Variants in KCNK10 observed in about 807,000 individuals in gnomAD.
KCNK10 encodes the protein potassium two pore domain channel subfamily K member 10, also known as potassium channel subfamily K member 10.
Under a neutral mutation model 47.7 loss-of-function variants are expected in KCNK10, and 25 were observed. That is an observed-to-expected ratio of 0.52 (90% CI 0.38 to 0.73). KCNK10 has a LOEUF of 0.73. KCNK10 is among the 30% of genes least tolerant of loss of function. The probability of loss-of-function intolerance (pLI) is 0.00; values close to 1 mark genes in which losing one functional copy is unlikely to be tolerated. For synonymous variants in KCNK10, 303 were observed against 285.6 expected (o/e 1.06, Z -0.61); for missense variants, 563 against 714.5 (o/e 0.79, Z 2.42).
chr14:88,301,515 A>G (rs1888098286), intron 1 of KCNK10, among the ~76,000 whole-genome samples: 1 of 152,166 alleles, frequency 6.6e-6, no homozygotes, highest in Admixed American at 6.5e-5. Flanking sequence ...GACTCCTAAC[A>G]GTATGCTACA....
At chr14:88,197,945 G>T (rs1340278322) in intron 4 of KCNK10, among the ~76,000 whole-genome samples, 2 of 152,002 alleles carry the variant, frequency 1.3e-5, no homozygotes, top group Admixed American at 1.3e-4. Context: ...ACAAAGTCCA[G>T]CAGGAAGATC....
intron 4 of KCNK10, 24 bp from the exon 5 acceptor site, chr14:88,192,434 T>C (rs766137203): frequency 2.5e-6 from 4 of 1,603,664 alleles, no homozygotes; most frequent in East Asian, 2.2e-5. Context: ...AGGAGAAAGA[T>C]AGGCAAGTCA....
intron 4 of KCNK10, among the ~76,000 whole-genome samples, chr14:88,216,743 T>C (rs1885633396): frequency 6.6e-6 from 1 of 152,218 alleles, no homozygotes; most frequent in Non-Finnish European, 1.5e-5. Context: ...TGGAACAGAC[T>C]TGATTGATAA....
rs1239665841 is a variant in KCNK10 at position 88,183,116 on chromosome 14, C to A, written c.*2419G>T. 1 of 152,280 alleles carries A rather than the reference C, an allele frequency of 6.6e-6. No homozygotes were observed. Among genetic ancestry groups the A allele is most frequent in the Non-Finnish European group, 1.5e-5 (1 of 68,038 alleles). The allele number at this position is 152,280 out of a possible 1,614,324, so 9.4% of individuals were successfully genotyped here. On this transcript the variant is annotated 3_prime_UTR_variant, in exon 7 of 7. Coordinates refer to ENST00000319231, the MANE Select transcript of KCNK10 (RefSeq NM_138317.3). ...ACACTGTAGTGAAGTTGAAAGCAGACTTTGGTCAGACTTTGAATACCAGCT... is the reference window on the plus strand; with the variant it reads ...ACACTGTAGTGAAGTTGAAAGCAGAATTTGGTCAGACTTTGAATACCAGCT...
intron 6 of KCNK10, among the ~76,000 whole-genome samples, chr14:88,187,655 T>C (rs897002839): frequency 1.3e-5 from 2 of 148,406 alleles, no homozygotes; most frequent in African/African-American, 4.9e-5. Context: ...AGCCATAGTC[T>C]ACCTCTCCTA....
chr14:88,206,425 A>G (rs2139845222), intron 4 of KCNK10, among the ~76,000 whole-genome samples: 1 of 152,384 alleles, frequency 6.6e-6, no homozygotes, highest in African/African-American at 2.4e-5. Context: ...GTCTACAATT[A>G]TCTGAGCCAA....
intron 1 of KCNK10, among the ~76,000 whole-genome samples, chr14:88,299,812 T>C (rs1175969890): frequency 1.3e-5 from 2 of 152,106 alleles, no homozygotes; most frequent in Non-Finnish European, 2.9e-5. Flanking sequence ...TAAATTTAAG[T>C]TTTTAAAAGT....
intron 1 of KCNK10, among the ~76,000 whole-genome samples, chr14:88,302,788 T>C (rs902120854): frequency 6.6e-6 from 1 of 152,148 alleles, no homozygotes; most frequent in Non-Finnish European, 1.5e-5. Context: ...ATGAAGTGCT[T>C]CAAGAAGGAT....
Position 88,180,145 on chromosome 14 carries a change from C to T in KCNK10, c.*5390G>A, listed in dbSNP as rs1012898665. 2 of 151,830 alleles carry T rather than the reference C, an allele frequency of 1.3e-5. No homozygotes were observed. The highest frequency in any genetic ancestry group is 2.9e-5 in the Non-Finnish European group (2 of 67,938). The allele number at this position is 151,830 out of a possible 1,614,324, so 9.4% of individuals were successfully genotyped here. A position where few individuals can be genotyped will look rare whatever the true frequency, so the allele number is the denominator to read the frequency against. ...GAAGGTCTTTGTTGCAATTTTTCTC[C>T]ATCATTGAAAAAAAAATTACATCAT... is the stretch of plus-strand genomic sequence containing the variant. On this transcript the variant is annotated 3_prime_UTR_variant, in exon 7 of 7. Transcript: ENST00000319231.
intron 2 of KCNK10, 76 bp from the exon 3 acceptor site, chr14:88,240,896 T>C: frequency 1.2e-6 from 1 of 840,664 alleles, no homozygotes; most frequent in Non-Finnish European, 1.9e-6. Flanking sequence ...AAAAAAAAGG[T>C]TCCAATACAT....
rs146146601 is a variant in KCNK10 at position 88,260,234 on chromosome 14, C to A, written c.402+2968G>T. ...CTGGGATTACAGGTGTAAGCCACCG[C>A]GCCAGGCCAAGATATGGTTGTTTAA... is the stretch of plus-strand genomic sequence containing the variant. On this transcript the variant is annotated intron_variant, in intron 2 of 6. Coordinates refer to ENST00000319231, the MANE Select transcript of KCNK10 (RefSeq NM_138317.3). The surrounding 1 kb of genome is among the most constrained non-coding windows in gnomAD (Gnocchi z 4.5). Among the ~76,000 whole-genome samples the A allele has an allele frequency of 4.6e-5, 7 of 152,132 alleles. No homozygotes were observed. Among genetic ancestry groups the A allele is most frequent in the African/African-American group, 1.7e-4 (7 of 41,414 alleles).
rs554598009 is a variant in KCNK10 at position 88,309,155 on chromosome 14, G to A, written c.52+13592C>T. On this transcript the variant is annotated intron_variant, in intron 1 of 6. Transcript: ENST00000319231. ...ATATTCACTGAAGAAATGGATAGAT[G>A]TCTTCTTCAAGAGGCTGAATATACA... Among the ~76,000 whole-genome samples the A allele has an allele frequency of 5.3e-5, 8 of 152,328 alleles. No homozygotes were observed. The East Asian group carries it at 1.5e-3, about 29-fold the overall frequency.
chr14:88,281,612 C>G (rs1887650356), intron 1 of KCNK10, among the ~76,000 whole-genome samples: 1 of 151,926 alleles, frequency 6.6e-6, no homozygotes, highest in African/African-American at 2.4e-5. Flanking sequence ...TGCACTGGAA[C>G]TAAACTATCA....
intron 2 of KCNK10, among the ~76,000 whole-genome samples, chr14:88,253,872 T>C (rs28642158): frequency 3.5e-4 from 54 of 152,298 alleles, no homozygotes; most frequent in African/African-American, 1.3e-3. Flanking sequence ...CACTCCAGTC[T>C]GGGCAACAGA....
intron 3 of KCNK10, among the ~76,000 whole-genome samples, chr14:88,235,679 T>C (rs954508024): frequency 2.6e-5 from 4 of 151,914 alleles, no homozygotes; most frequent in African/African-American, 9.7e-5. Context: ...ATTAACAAAA[T>C]GAAAACTAGA....
chr14:88,188,886 C>T (rs1262045154), intron 5 of KCNK10, among the ~76,000 whole-genome samples: 1 of 152,190 alleles, frequency 6.6e-6, no homozygotes, highest in Non-Finnish European at 1.5e-5. Flanking sequence ...TTTATTCTAA[C>T]CTTCCTACAG....
At chr14:88,278,861 C>T (rs1377116969) in intron 1 of KCNK10, among the ~76,000 whole-genome samples, 7 of 152,180 alleles carry the variant, frequency 4.6e-5, no homozygotes, top group South Asian at 4.1e-4. Flanking sequence ...AGATGATCAG[C>T]CTGGCTGTCT....
At chr14:88,196,588 G>A (rs964420298) in intron 4 of KCNK10, among the ~76,000 whole-genome samples, 2 of 152,128 alleles carry the variant, frequency 1.3e-5, no homozygotes, top group African/African-American at 2.4e-5. Flanking sequence ...AATTCAGATT[G>A]TTTTGTCTGG....
In KCNK10 at chr14:88,260,602, C is replaced by T. The variant is rs894569353; in HGVS notation, c.402+2600G>A. Among the ~76,000 whole-genome samples, 9 of 152,142 alleles carry T rather than the reference C, an allele frequency of 5.9e-5. No homozygotes were observed. The highest frequency in any genetic ancestry group is 2.2e-4 in the African/African-American group (9 of 41,422). The stretch of plus-strand genomic sequence containing the variant: ...AGTCAGTCCAACCTTGCGCTGACTA[C>T]CAGCTCTACCACTTTGGTGGTTGGA... On this transcript the variant is annotated intron_variant, in intron 2 of 6. Transcript: ENST00000319231. This position sits in a 1 kb window ranked among gnomAD's most constrained non-coding sequence, Gnocchi z 4.5.
Sources: gnomAD v4.1 joint callset for allele counts (sites outside exome capture counted in the v4.1 genomes callset) on GRCh38, gnomAD v4.1.1 for gene constraint, Gnocchi (gnomAD v3.1) non-coding constraint, MANE v1.5 for transcripts, NCBI Gene and HGNC (gene_info 2026-07-23, HGNC 2026-07-21) for gene names.